Variants in CAMKMT observed in about 807,000 individuals in gnomAD.
The protein encoded by CAMKMT is calmodulin-lysine N-methyltransferase, also known as CaM KMT.
Under a neutral mutation model 48.0 loss-of-function variants are expected in CAMKMT, and 53 were observed. The ratio of observed to expected loss-of-function variants is 1.10; its 90% confidence interval spans 0.89 to 1.39. The LOEUF (loss-of-function observed/expected upper bound fraction) is 1.39. CAMKMT is among the 40% of genes most tolerant of loss of function. CAMKMT has a pLI of 0.00. For missense variants in CAMKMT, 428 were observed against 402.7 expected (o/e 1.06, Z -0.54); for synonymous variants, 165 against 152.3 (o/e 1.08, Z -0.61).
intron 3 of CAMKMT, among the ~76,000 whole-genome samples, chr2:44,698,629 G>A (rs907305571): frequency 3.3e-5 from 5 of 152,146 alleles, no homozygotes; most frequent in Non-Finnish European, 7.3e-5. Flanking sequence ...TCTTTTTGCT[G>A]GCAGAGGGTC....
rs1673236950 is a variant in CAMKMT at position 44,638,069 on chromosome 2, A to AG, written c.377-66214_377-66213insG. On this transcript the variant is annotated intron_variant, in intron 3 of 10. Transcript: ENST00000378494. The stretch of plus-strand genomic sequence containing the variant: ...GACTCCATCTCAAACCAAAAAAAAA[A>AG]AAAGAGAAAAAGAAAAAGAAAAAAG... 3.3e-5 allele frequency among the ~76,000 whole-genome samples: 5 copies of AG among 151,708 alleles called. 1 individual carries two copies. The highest frequency in any genetic ancestry group is 1.2e-4 in the African/African-American group (5 of 41,398).
At chr2:44,425,486 A>G (rs1430612400) in intron 3 of CAMKMT, among the ~76,000 whole-genome samples, 1 of 152,236 alleles carries the variant, frequency 6.6e-6, no homozygotes, top group Non-Finnish European at 1.5e-5. Context: ...GACATTTGAT[A>G]TGAACTGTTT....
intron 3 of CAMKMT, among the ~76,000 whole-genome samples, chr2:44,435,675 G>A (rs895191339): frequency 3.9e-5 from 6 of 152,156 alleles, no homozygotes; most frequent in Admixed American, 3.9e-4. Context: ...CTATTATTTG[G>A]TATGTCTTTA....
intron 3 of CAMKMT, among the ~76,000 whole-genome samples, chr2:44,403,719 C>T (rs577406902): frequency 6.6e-6 from 1 of 152,258 alleles, no homozygotes; most frequent in East Asian, 1.9e-4. Context: ...CATATATGCA[C>T]TCATATACAT....
intron 2 of CAMKMT, among the ~76,000 whole-genome samples, chr2:44,374,338 G>C (rs1389040662): frequency 1.3e-5 from 2 of 152,086 alleles, no homozygotes; most frequent in African/African-American, 4.8e-5. Flanking sequence ...TAGGTGTTTT[G>C]ATGTATTCCA....
chr2:44,380,895 C>G (rs1680174252), intron 2 of CAMKMT, among the ~76,000 whole-genome samples: 1 of 152,180 alleles, frequency 6.6e-6, no homozygotes, highest in Non-Finnish European at 1.5e-5. Context: ...GGCATGGTGG[C>G]TCACACCTGT....
At chr2:44,552,208 TGTGA>T (rs1250932463) in intron 3 of CAMKMT, among the ~76,000 whole-genome samples, 2 of 152,162 alleles carry the variant, frequency 1.3e-5, no homozygotes, top group African/African-American at 2.4e-5. Context: ...AGCTCCCGTT[TGTGA>T]GTGAGAACAC....
At chr2:44,446,664 T>G (rs1345872517) in intron 3 of CAMKMT, among the ~76,000 whole-genome samples, 1 of 152,132 alleles carries the variant, frequency 6.6e-6, no homozygotes, top group Non-Finnish European at 1.5e-5. Context: ...ATATTCTCAT[T>G]CACTTCAACA....
At chr2:44,470,981 T>A (rs1248508758) in intron 3 of CAMKMT, among the ~76,000 whole-genome samples, 1 of 143,176 alleles carries the variant, frequency 7.0e-6, no homozygotes, top group Non-Finnish European at 1.5e-5. Flanking sequence ...TAATGTTTCT[T>A]CTCTCTCTCT....
At chr2:44,385,926 T>G (rs1680740249) in intron 2 of CAMKMT, among the ~76,000 whole-genome samples, 1 of 152,156 alleles carries the variant, frequency 6.6e-6, no homozygotes, top group Non-Finnish European at 1.5e-5. Context: ...GATATCAGTC[T>G]GTAGTTTTCT....
intron 3 of CAMKMT, among the ~76,000 whole-genome samples, chr2:44,429,874 A>G (rs1353464086): frequency 6.6e-6 from 1 of 151,212 alleles, no homozygotes; most frequent in Non-Finnish European, 1.5e-5. Flanking sequence ...TAATTTACCC[A>G]TAATTATGTA....
At chr2:44,418,987 A>G (rs1363479240) in intron 3 of CAMKMT, among the ~76,000 whole-genome samples, 1 of 152,182 alleles carries the variant, frequency 6.6e-6, no homozygotes, top group African/African-American at 2.4e-5. Context: ...TAAATATTGC[A>G]TTTTAAAAAT....
chr2:44,469,344 A>G (rs1472945654), intron 3 of CAMKMT, among the ~76,000 whole-genome samples: 7 of 100,920 alleles, frequency 6.9e-5, no homozygotes, highest in Non-Finnish European at 1.4e-4. Flanking sequence ...AATCTTATTA[A>G]ACCTGATTTT....
chr2:44,458,708 A>T (rs1179117259), intron 3 of CAMKMT, among the ~76,000 whole-genome samples: 2 of 152,228 alleles, frequency 1.3e-5, no homozygotes, highest in African/African-American at 2.4e-5. Flanking sequence ...AACAGTTTAC[A>T]AATGTTAACT....
At chr2:44,463,795 C>T (rs992658464) in intron 3 of CAMKMT, among the ~76,000 whole-genome samples, 8 of 152,160 alleles carry the variant, frequency 5.3e-5, no homozygotes, top group Non-Finnish European at 2.9e-5. Context: ...TACATCTCCC[C>T]ATAAAAGGAT....
At chr2:44,543,155 C>T (rs1374547616) in intron 3 of CAMKMT, among the ~76,000 whole-genome samples, 2 of 152,154 alleles carry the variant, frequency 1.3e-5, no homozygotes, top group Non-Finnish European at 2.9e-5. Context: ...AACTGGGGCA[C>T]ACTTTCTCCC....
chr2:44,734,831 G>T (rs1047897868), intron 7 of CAMKMT, among the ~76,000 whole-genome samples: 1 of 152,184 alleles, frequency 6.6e-6, no homozygotes, highest in African/African-American at 2.4e-5. Flanking sequence ...TTCTGCTATT[G>T]TTGAGTGTAT....
chr2:44,498,510 G>A (rs1281611480), intron 3 of CAMKMT, among the ~76,000 whole-genome samples: 1 of 152,140 alleles, frequency 6.6e-6, no homozygotes, highest in African/African-American at 2.4e-5. Flanking sequence ...GTATTACTTA[G>A]GAGATGCTCT....
chr2:44,604,105 GTTAAAGTCC>G (rs1671149968), intron 3 of CAMKMT, among the ~76,000 whole-genome samples: 2 of 152,154 alleles, frequency 1.3e-5, no homozygotes, highest in African/African-American at 4.8e-5. Flanking sequence ...GAAGCTCTGA[GTTAAAGTCC>G]TCTAGATGAG....
Sources: gnomAD v4.1 joint callset for allele counts (sites outside exome capture counted in the v4.1 genomes callset) on GRCh38, gnomAD v4.1.1 for gene constraint, MANE v1.5 for transcripts, NCBI Gene and HGNC (gene_info 2026-07-23, HGNC 2026-07-21) for gene names.